UBE2D3: variants seen among roughly 807,000 people sequenced by gnomAD.
The protein encoded by UBE2D3 is ubiquitin-conjugating enzyme E2 D3.
UBE2D3 carries 2 observed loss-of-function variants against 22.8 expected under a neutral mutation model. That is an observed-to-expected ratio of 0.09 (90% CI 0.04 to 0.28). The LOEUF is 0.28. UBE2D3 is among the 10% of genes least tolerant of loss of function. The probability of loss-of-function intolerance (pLI) is 1.00; values close to 1 mark genes in which losing one functional copy is unlikely to be tolerated. For missense variants in UBE2D3, 27 were observed against 182.5 expected, an observed-to-expected ratio of 0.15 and a Z score of 4.91; for synonymous variants, 56 against 60.4, an observed-to-expected ratio of 0.93 and a Z score of 0.34.
At chr4:102,820,687 C>T (rs1162601887) in intron 2 of UBE2D3, among the ~76,000 whole-genome samples, 1 of 152,070 alleles carries the variant, frequency 6.6e-6, no homozygotes, top group Non-Finnish European at 1.5e-5. Context: ...TGAAGCTCTG[C>T]TCCATGAAAG....
intron 5 of UBE2D3, chr4:102,802,260 T>C (rs545776618): frequency 9.5e-5 from 22 of 231,442 alleles, no homozygotes; most frequent in African/African-American, 4.7e-4. Flanking sequence ...GGACATTTGA[T>C]GCTTACAAGA....
At chr4:102,826,044 TC>T (rs1341591206) in intron 2 of UBE2D3, among the ~76,000 whole-genome samples, 1 of 152,020 alleles carries the variant, frequency 6.6e-6, no homozygotes, top group Non-Finnish European at 1.5e-5. Context: ...TTTTCTCTCC[TC>T]CGAGTTTTCT....
chr4:102,853,417 A>G (rs781275646), intron 1 of UBE2D3, among the ~76,000 whole-genome samples: 1 of 152,272 alleles, frequency 6.6e-6, no homozygotes, highest in Non-Finnish European at 1.5e-5. Context: ...AAAGCTGAAG[A>G]CTGAAAACAA....
At chr4:102,859,452 A>G (rs1176803024) in intron 1 of UBE2D3, among the ~76,000 whole-genome samples, 3 of 151,946 alleles carry the variant, frequency 2.0e-5, no homozygotes, top group African/African-American at 7.2e-5. Context: ...ATCTTACACA[A>G]TGGTATGAAA....
rs1184070878 is a variant in UBE2D3, at chr4:102,827,430, G to A, written c.-132C>T. On this transcript the variant is annotated 5_prime_UTR_variant, in exon 1 of 8. Coordinates refer to ENST00000453744, the MANE Select transcript of UBE2D3 (RefSeq NM_181891.3). ...AGCCGTCCACACCCACGCGTACAGA[G>A]GGGCCGGGGCCTCCCTCAAGCTGCG... The A allele has an allele frequency of 2.0e-6, 2 of 985,978 alleles. No individual in the cohort carries two copies. Among genetic ancestry groups the A allele is most frequent in the East Asian group, 1.1e-4 (1 of 8,816 alleles). The allele number at this position is 985,978 out of a possible 1,614,324, so 61.1% of individuals were successfully genotyped here.
chr4:102,860,093 C>T (rs564798385), intron 1 of UBE2D3, among the ~76,000 whole-genome samples: 15 of 152,242 alleles, frequency 9.9e-5, no homozygotes, highest in East Asian at 3.9e-4. Context: ...ATGATCCACA[C>T]GCCTCGGCCT....
At chr4:102,819,896 A>G (rs1729328459) in intron 2 of UBE2D3, among the ~76,000 whole-genome samples, 3 of 152,242 alleles carry the variant, frequency 2.0e-5, no homozygotes, top group Admixed American at 2.0e-4. Flanking sequence ...TATTTCTTTC[A>G]GAACTAAAGA....
chr4:102,865,365 G>A (rs567682417), intron 1 of UBE2D3, among the ~76,000 whole-genome samples: 3 of 151,806 alleles, frequency 2.0e-5, no homozygotes, highest in African/African-American at 4.8e-5. Context: ...GGTGGCGGGC[G>A]CCTGTAGTCC....
At chr4:102,803,519 C>T (rs1276305216) in intron 4 of UBE2D3, among the ~76,000 whole-genome samples, 1 of 152,178 alleles carries the variant, frequency 6.6e-6, no homozygotes, top group African/African-American at 2.4e-5. Context: ...CATCTAATTC[C>T]TACCCTTCTG....
chr4:102,844,930 G>A (rs1731962479), intron 1 of UBE2D3, among the ~76,000 whole-genome samples: 1 of 150,908 alleles, frequency 6.6e-6, no homozygotes, highest in Admixed American at 6.6e-5. Context: ...GCTGAGGCAG[G>A]AGAATGGCGT....
intron 1 of UBE2D3, among the ~76,000 whole-genome samples, chr4:102,855,342 T>A (rs1732569975): frequency 6.6e-6 from 1 of 152,222 alleles, no homozygotes; most frequent in Non-Finnish European, 1.5e-5. Context: ...GTATGATCAC[T>A]ATCAAACACA....
intron 4 of UBE2D3, among the ~76,000 whole-genome samples, chr4:102,805,354 T>A (rs1013809192): frequency 2.0e-5 from 3 of 152,188 alleles, no homozygotes; most frequent in African/African-American, 4.8e-5. Context: ...AACACTGTGA[T>A]CAGCAAATCG....
At chr4:102,840,111 C>T (rs1182653536) in intron 1 of UBE2D3, among the ~76,000 whole-genome samples, 3 of 152,152 alleles carry the variant, frequency 2.0e-5, no homozygotes, top group Non-Finnish European at 4.4e-5. Context: ...ACGAAAATAA[C>T]AGATGCTGGT....
chr4:102,805,686 A>C (rs906065294), intron 4 of UBE2D3, among the ~76,000 whole-genome samples: 1 of 151,338 alleles, frequency 6.6e-6, no homozygotes, highest in African/African-American at 2.4e-5. Context: ...TTGATTTTCT[A>C]CTCTTAACTG....
At chr4:102,858,954 A>G (rs764313579) in intron 1 of UBE2D3, among the ~76,000 whole-genome samples, 6 of 152,020 alleles carry the variant, frequency 3.9e-5, no homozygotes. Context: ...ATTACATTAC[A>G]GTATTCTGAA....
intron 1 of UBE2D3, among the ~76,000 whole-genome samples, chr4:102,868,225 G>A (rs1413677279): frequency 2.0e-5 from 3 of 151,768 alleles, no homozygotes; most frequent in Admixed American, 1.3e-4. Context: ...ACCTGCCACC[G>A]CGCCCGGCTA....
chr4:102,821,471 T>C (rs1326404211), intron 2 of UBE2D3, among the ~76,000 whole-genome samples: 1 of 152,188 alleles, frequency 6.6e-6, no homozygotes, highest in Non-Finnish European at 1.5e-5. Context: ...CTACGTCTAA[T>C]GCAGATTAGG....
chr4:102,838,025 G>A (rs1346393817), intron 1 of UBE2D3, among the ~76,000 whole-genome samples: 1 of 152,008 alleles, frequency 6.6e-6, no homozygotes, highest in East Asian at 1.9e-4. Flanking sequence ...AGGCTGAGGT[G>A]GGAGGATTGC....
At position 102,797,528 on chromosome 4, in the gene UBE2D3, A is replaced by G. The variant is rs966188849; in HGVS notation, c.399-68T>C. On this transcript the variant is annotated intron_variant, in intron 7 of 7. Transcript: ENST00000453744. ...TCCTAATACTTTAAATGGAAGGGAAAGATTTCCATTTTATCATCTCCAGAC... is the reference window on the plus strand; with the variant it reads ...TCCTAATACTTTAAATGGAAGGGAAGGATTTCCATTTTATCATCTCCAGAC... 1.1e-5 allele frequency: 15 copies of G among 1,314,926 alleles called. No individual in the cohort carries two copies. The African/African-American group carries it at 1.5e-4, about 13-fold the overall frequency. 81.5% of individuals were successfully genotyped at this position (1,314,926 alleles called of 1,614,324 possible).
Sources: allele counts gnomAD v4.1 joint callset (sites outside exome capture counted in the v4.1 genomes callset), GRCh38; gene constraint gnomAD v4.1.1; transcripts MANE v1.5; gene names NCBI Gene and HGNC (gene_info 2026-07-23, HGNC 2026-07-21).